Variants in PVT1 observed in about 807,000 individuals in gnomAD.
The protein encoded by PVT1 is Pvt1 oncogene.
At chr8:127,845,505 A>T (rs1225123739) in intron 2 of PVT1, among the ~76,000 whole-genome samples, 1 of 151,288 alleles carries the variant, frequency 6.6e-6, no homozygotes, top group Admixed American at 6.6e-5. Flanking sequence ...GCCTAGACCC[A>T]TCGTACGCTG....
At chr8:128,095,111 A>T (rs1814410265) in intron 5 of PVT1, among the ~76,000 whole-genome samples, 1 of 152,174 alleles carries the variant, frequency 6.6e-6, no homozygotes, top group Non-Finnish European at 1.5e-5. Context: ...GGCTTGGCTT[A>T]AGATAAGATG....
chr8:127,872,774 A>G (rs1815364799), intron 2 of PVT1, among the ~76,000 whole-genome samples: 1 of 152,104 alleles, frequency 6.6e-6, no homozygotes, highest in African/African-American at 2.4e-5. Flanking sequence ...CACATGGGGG[A>G]CAGTCTTGCC....
intron 2 of PVT1, among the ~76,000 whole-genome samples, chr8:127,814,171 T>C (rs916555888): frequency 1.3e-5 from 2 of 152,198 alleles, no homozygotes; most frequent in Non-Finnish European, 2.9e-5. Flanking sequence ...GACGTGAGAA[T>C]AGAGAGATTT....
chr8:128,013,952 A>T (rs983433192), intron 4 of PVT1, among the ~76,000 whole-genome samples: 1 of 152,236 alleles, frequency 6.6e-6, no homozygotes, highest in Non-Finnish European at 1.5e-5. Flanking sequence ...AAAGACCTTT[A>T]CAGAAATCTT....
At chr8:127,996,585 T>G (rs1817106205) in intron 4 of PVT1, 1 of 151,986 alleles carries the variant, frequency 6.6e-6, no homozygotes, top group South Asian at 2.1e-4. Flanking sequence ...GGCTTCAAGC[T>G]CACGAGAAAC....
intron 4 of PVT1, among the ~76,000 whole-genome samples, chr8:128,041,610 G>GGTGTGTGT (rs58542209): frequency 2.3e-5 from 2 of 88,802 alleles, no homozygotes; most frequent in African/African-American, 6.7e-5. Context: ...ACATGTGTTT[G>GGTGTGTGT]GTGTGTGTGT....
At chr8:127,976,189 A>C (rs1816820624) in intron 3 of PVT1, among the ~76,000 whole-genome samples, 1 of 152,156 alleles carries the variant, frequency 6.6e-6, no homozygotes, top group Admixed American at 6.5e-5. Context: ...GTTAAAAGAA[A>C]CCTCAGAGGT....
Position 127,888,974 on chromosome 8 carries a change from G to A in PVT1, n.373-1615G>A, listed in dbSNP as rs370438765. On this transcript the variant is annotated intron_variant and non_coding_transcript_variant, in intron 2 of 10. Coordinates refer to ENST00000651587, the Ensembl canonical transcript of PVT1. ...GGAAGTTGGAGCAGTGGTCAAGCTC[G>A]TGGGCTTTGGAGCCAGTCTGCCAGT... Among the ~76,000 whole-genome samples the A allele has an allele frequency of 1.2e-4, 18 of 152,124 alleles. 1 individual carries two copies. In the East Asian group the frequency reaches 1.5e-3, roughly 13 times the overall value.
intron 3 of PVT1, among the ~76,000 whole-genome samples, chr8:127,927,447 C>G (rs1816143872): frequency 6.6e-6 from 1 of 152,182 alleles, no homozygotes; most frequent in Non-Finnish European, 1.5e-5. Flanking sequence ...TCAAAAAGCC[C>G]CATTGTAAGC....
chr8:127,944,461 A>G (rs1372737114), intron 3 of PVT1, among the ~76,000 whole-genome samples: 1 of 152,074 alleles, frequency 6.6e-6, no homozygotes, highest in Non-Finnish European at 1.5e-5. Context: ...AATGGGAACA[A>G]TAAGAGTACT....
At chr8:127,891,903 C>T (rs1815606857) in intron 3 of PVT1, among the ~76,000 whole-genome samples, 1 of 152,208 alleles carries the variant, frequency 6.6e-6, no homozygotes. Flanking sequence ...GCCACAAAGG[C>T]CTGTTGCAGT....
chr8:127,812,147 G>A (rs1181034760), intron 2 of PVT1, among the ~76,000 whole-genome samples: 2 of 148,802 alleles, frequency 1.3e-5, no homozygotes, highest in Non-Finnish European at 3.0e-5. Context: ...AGAAAAGGAG[G>A]GGAGGAGAGG....
chr8:127,970,304 T>TG (rs1226448571), intron 3 of PVT1, among the ~76,000 whole-genome samples: 5 of 127,908 alleles, frequency 3.9e-5, no homozygotes, highest in African/African-American at 1.5e-4. Flanking sequence ...TTTTTTTTTT[T>TG]TTTTTTTTTT....
At chr8:128,069,934 C>T (rs1261654052) in intron 4 of PVT1, among the ~76,000 whole-genome samples, 2 of 152,136 alleles carry the variant, frequency 1.3e-5, no homozygotes, top group Admixed American at 1.3e-4. Context: ...CTTGCCTCCT[C>T]TGTTGCAAGA....
chr8:127,913,351 G>T (rs889355403), intron 3 of PVT1, among the ~76,000 whole-genome samples: 1 of 152,158 alleles, frequency 6.6e-6, no homozygotes, highest in Non-Finnish European at 1.5e-5. Context: ...TTCAAACCAG[G>T]AATTCACTGC....
At chr8:127,961,998 G>A (rs960754336) in intron 3 of PVT1, among the ~76,000 whole-genome samples, 1 of 151,862 alleles carries the variant, frequency 6.6e-6, no homozygotes, top group African/African-American at 2.4e-5. Flanking sequence ...TTTTTGAGAC[G>A]GAGTCTCGCT....
At chr8:127,954,284 A>G (rs1054073895) in intron 3 of PVT1, among the ~76,000 whole-genome samples, 2 of 147,142 alleles carry the variant, frequency 1.4e-5, no homozygotes, top group Non-Finnish European at 3.0e-5. Context: ...CTGAGACTCA[A>G]CAAGTACCCA....
intron 4 of PVT1, among the ~76,000 whole-genome samples, chr8:128,035,950 C>G (rs1167337524): frequency 6.6e-6 from 1 of 152,178 alleles, no homozygotes; most frequent in African/African-American, 2.4e-5. Context: ...CTTAGTTCAG[C>G]CTCTGACCTC....
chr8:127,897,484 A>C (rs1248197939), intron 3 of PVT1, among the ~76,000 whole-genome samples: 2 of 151,410 alleles, frequency 1.3e-5, no homozygotes, highest in Non-Finnish European at 2.9e-5. Flanking sequence ...GAAAGAGAGA[A>C]AGAGAGAAAG....
Sources: allele counts gnomAD v4.1 joint callset (sites outside exome capture counted in the v4.1 genomes callset), GRCh38; gene constraint gnomAD v4.1.1; transcripts MANE v1.5; gene names NCBI Gene and HGNC (gene_info 2026-07-23, HGNC 2026-07-21).